Variants in XIRP2 observed in about 807,000 individuals in gnomAD.
XIRP2 encodes xin actin-binding repeat-containing protein 2.
Under a neutral mutation model 277.0 loss-of-function variants are expected in XIRP2, and 236 were observed. The ratio of observed to expected loss-of-function variants is 0.85; its 90% confidence interval spans 0.77 to 0.95. XIRP2 has a LOEUF of 0.95. Ranked by LOEUF, XIRP2 falls within the 40% of genes least tolerant of loss-of-function variation. The pLI, the probability that XIRP2 is intolerant of heterozygous loss-of-function variation, is 0.00. For missense variants in XIRP2, 4,640 were observed against 4,157.5 expected (o/e 1.12, Z -3.19); for synonymous variants, 1,490 against 1,416.5 (o/e 1.05, Z -1.17).
intron 2 of XIRP2, among the ~76,000 whole-genome samples, chr2:166,972,361 A>G (rs773151038): frequency 6.6e-6 from 1 of 152,176 alleles, no homozygotes; most frequent in Non-Finnish European, 1.5e-5. Flanking sequence ...TCAGATAGGA[A>G]TATCTTCATA....
intron 3 of XIRP2, among the ~76,000 whole-genome samples, chr2:167,161,990 C>T (rs2105341347): frequency 6.6e-6 from 1 of 152,190 alleles, no homozygotes; most frequent in Non-Finnish European, 1.5e-5. Context: ...TTCAAAGTTC[C>T]ACAAATCTCT....
Position 167,250,849 on chromosome 2 carries a change from C to T in XIRP2, c.9457C>T (p.Pro3153Ser), listed in dbSNP as rs1309862015. 6.2e-7 allele frequency: 1 copy of T among 1,613,464 alleles called. No homozygotes were observed. The highest frequency in any genetic ancestry group is 8.5e-7 in the Non-Finnish European group (1 of 1,179,700). Reference protein sequence around the residue: ...QSPKKDSYVEPPPRRPMSQKS... With the variant: ...QSPKKDSYVESPPRRPMSQKS... ...CCCTAAAAAGGACAGTTATGTTGAA[C>T]CCCCACCAAGAAGGCCCATGTCGCA... is the stretch of plus-strand genomic sequence containing the variant. The change falls in exon 9 of 11, where the codon CCC (proline) becomes TCC (serine). Residue 3153 changes from proline (P) to serine (S), a missense_variant. Transcript: ENST00000409195.
rs1471457424 is a variant in XIRP2 at position 166,914,333 on chromosome 2, AT to A, written c.408+10451del. Among the ~76,000 whole-genome samples, 5 of 151,578 alleles carry A rather than the reference AT, an allele frequency of 3.3e-5. No individual in the cohort carries two copies. The South Asian group carries it at 6.3e-4, about 19-fold the overall frequency. On this transcript the variant is annotated intron_variant, in intron 2 of 10. Transcript: ENST00000409195. ...CTCTAAGATAATAAATGTGTGCCAT[AT>A]TTTTTTTGTTTTGTTTTGTTTTTTG...
At chr2:167,057,910 A>G (rs1010878578) in intron 2 of XIRP2, among the ~76,000 whole-genome samples, 5 of 152,150 alleles carry the variant, frequency 3.3e-5, no homozygotes, top group South Asian at 2.1e-4. Context: ...AAGTAAAAAC[A>G]TAAGTAAATC....
chr2:166,909,048 C>T (rs572876450), intron 2 of XIRP2, among the ~76,000 whole-genome samples: 63 of 152,170 alleles, frequency 4.1e-4, no homozygotes, highest in Non-Finnish European at 2.2e-4. Flanking sequence ...AGTCAGGTAG[C>T]GTGATGCCTC....
At chr2:166,928,548 C>A (rs145529281) in intron 2 of XIRP2, among the ~76,000 whole-genome samples, 1 of 152,212 alleles carries the variant, frequency 6.6e-6, no homozygotes, top group Non-Finnish European at 1.5e-5. Flanking sequence ...ATTATATTTG[C>A]AGTTGCTAGC....
At chr2:166,929,936 A>G (rs1172422519) in intron 2 of XIRP2, among the ~76,000 whole-genome samples, 3 of 152,170 alleles carry the variant, frequency 2.0e-5, no homozygotes, top group African/African-American at 7.2e-5. Context: ...ACCTAAGATC[A>G]GATTACATCA....
Position 167,248,520 on chromosome 2 carries a change from A to C in XIRP2, c.7128A>C (p.Pro2376=). 6.2e-7 allele frequency: 1 copy of C among 1,613,720 alleles called. No individual in the cohort carries two copies. The highest frequency in any genetic ancestry group is 8.5e-7 in the Non-Finnish European group (1 of 1,179,826). ...PPPPPTPSQK[P]AHLLSSSAPE... ...CTCCTCCAACTCCATCTCAAAAGCCAGCACATCTCCTTTCCTCCTCTGCTC... is the reference window on the plus strand; with the variant it reads ...CTCCTCCAACTCCATCTCAAAAGCCCGCACATCTCCTTTCCTCCTCTGCTC... Residue 2376 remains proline, a synonymous_variant, in exon 9 of 11, where the codon CCA becomes CCC. Coordinates refer to ENST00000409195, the MANE Select transcript of XIRP2 (RefSeq NM_152381.6).
At chr2:167,123,095 C>A (rs925763705) in intron 2 of XIRP2, among the ~76,000 whole-genome samples, 5 of 152,052 alleles carry the variant, frequency 3.3e-5, no homozygotes, top group African/African-American at 1.2e-4. Flanking sequence ...TCATTTTGAT[C>A]GGGGATTATA....
chr2:167,009,013 A>G (rs886434157), intron 2 of XIRP2, among the ~76,000 whole-genome samples: 2 of 151,264 alleles, frequency 1.3e-5, no homozygotes, highest in African/African-American at 4.8e-5. Flanking sequence ...TTTCTTTTAT[A>G]TTAGCCACTG....
intron 2 of XIRP2, among the ~76,000 whole-genome samples, chr2:167,129,029 A>G (rs1386780091): frequency 6.6e-6 from 1 of 152,186 alleles, no homozygotes; most frequent in East Asian, 1.9e-4. Context: ...AAATATTTTT[A>G]ATACATAGTG....
intron 2 of XIRP2, among the ~76,000 whole-genome samples, chr2:167,022,918 T>C (rs1178162698): frequency 6.6e-6 from 1 of 152,172 alleles, no homozygotes; most frequent in African/African-American, 2.4e-5. Context: ...TAAACATATG[T>C]GTGCATGTGT....
At position 167,247,025 on chromosome 2, in the gene XIRP2, C is replaced by G. The variant is rs781568931; in HGVS notation, c.5633C>G (p.Ser1878Ter). The part of the protein sequence containing the change: ...MLATLKSLKE[S>*]SHRWKESKQP... Reference sequence around the variant, plus strand: ...GCCACACTCAAGTCACTTAAAGAATCAAGCCATCGATGGAAAGAATCTAAA... The same window carrying G: ...GCCACACTCAAGTCACTTAAAGAATGAAGCCATCGATGGAAAGAATCTAAA... Residue 1878 changes from serine (S) to a stop codon, truncating the protein, a stop_gained, in exon 9 of 11, where the codon TCA becomes TGA. Coordinates refer to ENST00000409195, the MANE Select transcript of XIRP2 (RefSeq NM_152381.6). LOFTEE classifies it high-confidence loss of function. 3 of 1,613,490 alleles carry G rather than the reference C, an allele frequency of 1.9e-6. No individual in the cohort carries two copies. Among genetic ancestry groups the G allele is most frequent in the African/African-American group, 2.7e-5 (2 of 74,960 alleles).
intron 2 of XIRP2, among the ~76,000 whole-genome samples, chr2:167,091,986 T>A (rs1410395813): frequency 6.6e-6 from 1 of 152,242 alleles, no homozygotes; most frequent in East Asian, 1.9e-4. Context: ...CAACACCAAA[T>A]GTGATTGTGT....
chr2:167,230,599 A>T (rs1035619437), intron 5 of XIRP2, among the ~76,000 whole-genome samples: 8 of 152,110 alleles, frequency 5.3e-5, no homozygotes, highest in African/African-American at 1.2e-4. Flanking sequence ...ATGGGATTCT[A>T]GCTAGTATAC....
At chr2:167,173,319 T>G (rs1323879261) in intron 3 of XIRP2, among the ~76,000 whole-genome samples, 1 of 152,156 alleles carries the variant, frequency 6.6e-6, no homozygotes, top group Non-Finnish European at 1.5e-5. Flanking sequence ...CCTTTTACCG[T>G]CTATGTCCAT....
chr2:166,950,100 C>T (rs16852806), intron 2 of XIRP2, among the ~76,000 whole-genome samples: 18,735 of 151,908 alleles, frequency 0.12, 1,272 homozygotes, highest in East Asian at 0.26. Flanking sequence ...TTTATAAATG[C>T]GATGGCTAGC....
In XIRP2 at chr2:167,243,711, G is replaced by A; in HGVS notation, c.2319G>A (p.Met773Ile). The part of the protein sequence containing the change: ...EKGDVRTARW[M>I]FETQPLDTIN... The stretch of plus-strand genomic sequence containing the variant: ...GAGATGTAAGAACAGCACGGTGGAT[G>A]TTTGAAACACAGCCGTTGGACACAA... The change falls in exon 9 of 11, where the codon ATG becomes ATA. Residue 773 changes from methionine (M) to isoleucine (I), a missense_variant. By Grantham distance (10) the Met-to-Ile change is conservative. Transcript: ENST00000409195. The A allele has an allele frequency of 2.5e-6, 4 of 1,614,084 alleles. No homozygotes were observed. The highest frequency in any genetic ancestry group is 3.4e-6 in the Non-Finnish European group (4 of 1,179,972).
At chr2:166,927,082 AAGT>A (rs1428406930) in intron 2 of XIRP2, among the ~76,000 whole-genome samples, 1 of 152,110 alleles carries the variant, frequency 6.6e-6, no homozygotes, top group African/African-American at 2.4e-5. Context: ...GGCTATTTTC[AAGT>A]AGGAAAACTA....
Sources: gnomAD v4.1 joint callset for allele counts (sites outside exome capture counted in the v4.1 genomes callset) on GRCh38, gnomAD v4.1.1 for gene constraint, MANE v1.5 for transcripts, NCBI Gene and HGNC (gene_info 2026-07-23, HGNC 2026-07-21) for gene names.